Variants in ARHGAP24 observed in about 807,000 individuals in gnomAD.
ARHGAP24 encodes rho GTPase-activating protein 24.
In ARHGAP24, 50 loss-of-function variants were observed where a neutral mutation model predicts 76.4. That is an observed-to-expected ratio of 0.65 (90% CI 0.52 to 0.83). The LOEUF (loss-of-function observed/expected upper bound fraction) is 0.83. Among genes scored for constraint, ARHGAP24 ranks in the 40% least tolerant of loss-of-function variants. The pLI is 0.00. For synonymous variants in ARHGAP24, 345 were observed against 323.3 expected, an observed-to-expected ratio of 1.07 and a Z score of -0.72; for missense variants, 930 against 914.2, an observed-to-expected ratio of 1.02 and a Z score of -0.22.
At chr4:85,937,319 A>T (rs78980956) in intron 4 of ARHGAP24, among the ~76,000 whole-genome samples, 1 of 152,198 alleles carries the variant, frequency 6.6e-6, no homozygotes, top group Non-Finnish European at 1.5e-5. Flanking sequence ...CTGATAACCA[A>T]AATTAGGATT....
intron 2 of ARHGAP24, among the ~76,000 whole-genome samples, chr4:85,663,901 T>G (rs1386832954): frequency 6.6e-6 from 1 of 151,356 alleles, no homozygotes; most frequent in Non-Finnish European, 1.5e-5. Flanking sequence ...CTTTTTGATG[T>G]GCTGCTGGAT....
At chr4:85,528,387 G>T (rs955043461) in intron 1 of ARHGAP24, among the ~76,000 whole-genome samples, 1 of 152,032 alleles carries the variant, frequency 6.6e-6, no homozygotes, top group Non-Finnish European at 1.5e-5. Context: ...AGCCACTGGA[G>T]TTTTTTAAGG....
At chr4:85,827,259 G>T (rs1729759191) in intron 3 of ARHGAP24, among the ~76,000 whole-genome samples, 1 of 152,098 alleles carries the variant, frequency 6.6e-6, no homozygotes, top group Non-Finnish European at 1.5e-5. Context: ...ATTCCAGTAT[G>T]TATGCAAAAT....
At chr4:85,914,873 C>T (rs568001334) in intron 3 of ARHGAP24, among the ~76,000 whole-genome samples, 105 of 152,336 alleles carry the variant, frequency 6.9e-4, no homozygotes, top group African/African-American at 2.4e-3. Context: ...TCTGTATCAG[C>T]ATTGGTGGAG....
At chr4:85,612,318 G>A (rs1191173956) in intron 2 of ARHGAP24, among the ~76,000 whole-genome samples, 2 of 137,892 alleles carry the variant, frequency 1.5e-5, no homozygotes, top group Non-Finnish European at 3.2e-5. Context: ...TCGGGAGGCT[G>A]AGGCAGGAGA....
chr4:85,998,192 CTGAGTT>C (rs1454213570), intron 9 of ARHGAP24, among the ~76,000 whole-genome samples: 1 of 152,090 alleles, frequency 6.6e-6, no homozygotes, highest in Non-Finnish European at 1.5e-5. Flanking sequence ...TATCAGTATT[CTGAGTT>C]TATCAGTTTC....
chr4:85,779,017 G>A (rs1727420619), intron 3 of ARHGAP24: 1 of 983,194 alleles, frequency 1.0e-6, no homozygotes, highest in Non-Finnish European at 1.2e-6. Flanking sequence ...TTGGGGACAA[G>A]TATTTAGTGG....
intron 1 of ARHGAP24, among the ~76,000 whole-genome samples, chr4:85,546,826 A>G (rs1387184245): frequency 2.0e-5 from 3 of 152,242 alleles, no homozygotes; most frequent in African/African-American, 7.2e-5. Context: ...TAGAAAAGTT[A>G]GAGGAATAGT....
intron 3 of ARHGAP24, among the ~76,000 whole-genome samples, chr4:85,817,537 G>A (rs959818622): frequency 4.6e-5 from 7 of 152,072 alleles, no homozygotes; most frequent in African/African-American, 1.7e-4. Flanking sequence ...TGCAAATTAG[G>A]GGAAGACATC....
intron 1 of ARHGAP24, among the ~76,000 whole-genome samples, chr4:85,476,637 G>A (rs1483369873): frequency 6.6e-6 from 1 of 152,198 alleles, no homozygotes; most frequent in Admixed American, 6.5e-5. Flanking sequence ...GCTTTACTCA[G>A]TTACTGAGTA....
At chr4:85,868,177 C>T (rs942603628) in intron 3 of ARHGAP24, among the ~76,000 whole-genome samples, 1 of 152,022 alleles carries the variant, frequency 6.6e-6, no homozygotes, top group Admixed American at 6.6e-5. Context: ...TACGTGGATT[C>T]ATAGATTTTC....
chr4:85,544,562 G>A (rs965397471), intron 1 of ARHGAP24, among the ~76,000 whole-genome samples: 27 of 152,096 alleles, frequency 1.8e-4, no homozygotes, highest in Non-Finnish European at 3.5e-4. Flanking sequence ...TATGCCTTGA[G>A]AAAGTTACTT....
intron 3 of ARHGAP24, among the ~76,000 whole-genome samples, chr4:85,831,269 A>G (rs1364495778): frequency 6.6e-6 from 1 of 152,190 alleles, no homozygotes; most frequent in Non-Finnish European, 1.5e-5. Context: ...ACGTAATTCA[A>G]ATAATCAGTA....
chr4:85,897,874 G>A (rs926356537), intron 3 of ARHGAP24, among the ~76,000 whole-genome samples: 4 of 151,926 alleles, frequency 2.6e-5, no homozygotes, highest in Non-Finnish European at 5.9e-5. Context: ...GGGAGATAAA[G>A]TGGTGGGTGT....
At position 85,492,501 on chromosome 4, in the gene ARHGAP24, A is replaced by G. The variant is rs1331781556; in HGVS notation, c.-21+16942A>G. 2.6e-5 allele frequency among the ~76,000 whole-genome samples: 4 copies of G among 152,312 alleles called. No homozygotes were observed. In the South Asian group the frequency reaches 6.2e-4, roughly 24 times the overall value. On this transcript the variant is annotated intron_variant, in intron 1 of 9. Coordinates refer to ENST00000395184, the MANE Select transcript of ARHGAP24 (RefSeq NM_001025616.3). ...TGTGATAATGGATTCAAAAAAGCCTATATTTAAAGAGTCAGTCTGCTCTAA... is the reference window on the plus strand; with the variant it reads ...TGTGATAATGGATTCAAAAAAGCCTGTATTTAAAGAGTCAGTCTGCTCTAA...
At chr4:85,563,142 G>A (rs1726666837) in intron 1 of ARHGAP24, among the ~76,000 whole-genome samples, 1 of 152,202 alleles carries the variant, frequency 6.6e-6, no homozygotes, top group African/African-American at 2.4e-5. Context: ...TTCCCTATGA[G>A]TCAAGAAGGC....
chr4:85,618,020 C>G (rs920281753), intron 2 of ARHGAP24, among the ~76,000 whole-genome samples: 24 of 152,158 alleles, frequency 1.6e-4, no homozygotes, highest in African/African-American at 5.8e-4. Context: ...AAGATCTCCT[C>G]TCTGCAAATT....
chr4:85,674,391 C>T (rs1322748280), intron 2 of ARHGAP24, among the ~76,000 whole-genome samples: 2 of 152,186 alleles, frequency 1.3e-5, no homozygotes, highest in African/African-American at 4.8e-5. Flanking sequence ...ATGCACTCAT[C>T]TTTTAGGGAG....
chr4:85,800,646 A>G (rs1400024857), intron 3 of ARHGAP24, among the ~76,000 whole-genome samples: 1 of 152,182 alleles, frequency 6.6e-6, no homozygotes, highest in African/African-American at 2.4e-5. Context: ...ATAAAACTTA[A>G]TTATTAGAAT....
Sources: allele counts gnomAD v4.1 joint callset (sites outside exome capture counted in the v4.1 genomes callset), GRCh38; gene constraint gnomAD v4.1.1; transcripts MANE v1.5; gene names NCBI Gene and HGNC (gene_info 2026-07-23, HGNC 2026-07-21).